AFF2: variants seen among roughly 807,000 people sequenced by gnomAD.
AFF2 encodes ALF transcription elongation factor 2.
A neutral mutation model predicts 76.9 loss-of-function variants in AFF2; 14 were observed. The observed-to-expected ratio is 0.18, with a 90% confidence interval of 0.12 to 0.28. The LOEUF (loss-of-function observed/expected upper bound fraction) is 0.28, where lower values mean the gene tolerates loss of function less well. Among genes scored for constraint, AFF2 ranks in the 10% least tolerant of loss-of-function variants. The pLI, the probability that AFF2 is intolerant of heterozygous loss-of-function variation, is 1.00. For missense variants in AFF2, 868 were observed against 1,001.1 expected (o/e 0.87, Z 1.79); for synonymous variants, 398 against 366.7 (o/e 1.09, Z -0.98).
At chrX:148,578,953 A>G (rs2053322124) in intron 1 of AFF2, among the ~76,000 whole-genome samples, 1 of 111,567 alleles carries the variant, frequency 9.0e-6, no homozygotes, top group South Asian at 3.7e-4. Flanking sequence ...AAAAGGTCTT[A>G]CTTTGAGGTG....
intron 7 of AFF2, among the ~76,000 whole-genome samples, chrX:148,852,216 A>C (rs1397606781): frequency 3.6e-5 from 4 of 110,712 alleles, no homozygotes; most frequent in Non-Finnish European, 7.6e-5. Flanking sequence ...TGGTACAATG[A>C]TTTATATTCC....
chrX:148,938,707 C>T (rs2071800694), intron 9 of AFF2, among the ~76,000 whole-genome samples: 1 of 112,190 alleles, frequency 8.9e-6, no homozygotes, highest in African/African-American at 3.2e-5. Flanking sequence ...TCTTGCCCTT[C>T]TGTAACAACA....
chrX:148,828,840 C>A (rs2070419257), intron 4 of AFF2, among the ~76,000 whole-genome samples: 2 of 112,312 alleles, frequency 1.8e-5, no homozygotes, highest in African/African-American at 6.5e-5. Flanking sequence ...TTGATTGCAT[C>A]TGGCAATGGC....
intron 7 of AFF2, among the ~76,000 whole-genome samples, chrX:148,873,143 G>A (rs1021122897): frequency 9.0e-6 from 1 of 111,630 alleles, no homozygotes; most frequent in Non-Finnish European, 1.9e-5. Context: ...TGCACAGAGA[G>A]ATTCCTTCTT....
Position 148,955,866 on chromosome X carries a change from A to G in AFF2, c.1821A>G (p.Thr607=). 5 of 1,211,764 alleles carry G rather than the reference A, an allele frequency of 4.1e-6. No individual in the cohort carries two copies. The highest frequency in any genetic ancestry group is 5.6e-6 in the Non-Finnish European group (5 of 895,559). Residue 607 remains threonine, a synonymous_variant, in exon 11 of 21, where the codon ACA becomes ACG. Coordinates refer to ENST00000370460, the MANE Select transcript of AFF2 (RefSeq NM_002025.4). ...RPRPTQKIPE[T]KALKHKLSTT... is the part of the protein sequence containing the mutation. ...GGCCCACTCAGAAAATTCCAGAAAC[A>G]AAGGCTTTGAAGCATAAGTTGTCAA...
At chrX:148,549,338 G>T (rs1019390385) in intron 1 of AFF2, among the ~76,000 whole-genome samples, 2 of 112,332 alleles carry the variant, frequency 1.8e-5, no homozygotes, top group Non-Finnish European at 3.8e-5. Flanking sequence ...GGAAATTTTC[G>T]GATATAGCTA....
At chrX:148,960,339 C>T (rs936359107) in intron 12 of AFF2, among the ~76,000 whole-genome samples, 3 of 112,660 alleles carry the variant, frequency 2.7e-5, no homozygotes, top group Admixed American at 9.3e-5. Context: ...CTGTTTACCT[C>T]AGCCTATGCC....
intron 3 of AFF2, among the ~76,000 whole-genome samples, chrX:148,714,515 G>A (rs1483546802): frequency 1.1e-4 from 12 of 111,516 alleles, no homozygotes; most frequent in African/African-American, 3.9e-4. Flanking sequence ...TGGCACAGTT[G>A]AGTTTGATAA....
intron 3 of AFF2, among the ~76,000 whole-genome samples, chrX:148,784,989 A>G (rs782453374): frequency 9.0e-6 from 1 of 111,629 alleles, no homozygotes; most frequent in East Asian, 2.9e-4. Flanking sequence ...AGCCGCATAT[A>G]CATTTGGGAA....
At chrX:148,876,878 A>G in intron 7 of AFF2, among the ~76,000 whole-genome samples, 1 of 111,627 alleles carries the variant, frequency 9.0e-6, no homozygotes, top group Non-Finnish European at 1.9e-5. Flanking sequence ...CTTTAAGGCC[A>G]TCTCCCACTC....
At position 148,860,890 on chromosome X, in the gene AFF2, T is replaced by C. The variant is rs1245277144; in HGVS notation, c.1262+17457T>C. On this transcript the variant is annotated intron_variant, in intron 7 of 20. Coordinates refer to ENST00000370460, the MANE Select transcript of AFF2 (RefSeq NM_002025.4). ...ACATTTTTTTAACTTTCCCATGGAC[T>C]TCAACTTTGAAGGTTTTACATAAGG... 4.5e-5 allele frequency among the ~76,000 whole-genome samples: 5 copies of C among 111,787 alleles called. No individual in the cohort carries two copies. The Admixed American group carries it at 4.8e-4, about 11-fold the overall frequency.
chrX:148,911,586 T>C (rs1160172696), intron 9 of AFF2, among the ~76,000 whole-genome samples: 13 of 111,798 alleles, frequency 1.2e-4, no homozygotes, highest in African/African-American at 3.9e-4. Context: ...AAAGAAGGAG[T>C]TCTGTTTAGC....
intron 3 of AFF2, among the ~76,000 whole-genome samples, chrX:148,681,563 TCA>T (rs1383570969): frequency 0.055 from 4,212 of 76,760 alleles, 294 homozygotes; most frequent in African/African-American, 0.19. Context: ...TGTGTGTGTG[TCA>T]GTGTGTGTGT....
chrX:148,540,287 C>G (rs951418812), intron 1 of AFF2, among the ~76,000 whole-genome samples: 3 of 111,110 alleles, frequency 2.7e-5, no homozygotes, highest in Non-Finnish European at 5.7e-5. Flanking sequence ...AAGCACAACA[C>G]CTTCTGCATT....
At chrX:148,541,678 A>G (rs1400108684) in intron 1 of AFF2, among the ~76,000 whole-genome samples, 2 of 111,236 alleles carry the variant, frequency 1.8e-5, no homozygotes, top group Admixed American at 9.6e-5. Flanking sequence ...AGTTCAGTGT[A>G]TCATATTATT....
At chrX:148,710,317 C>T (rs1245391546) in intron 3 of AFF2, among the ~76,000 whole-genome samples, 3 of 111,869 alleles carry the variant, frequency 2.7e-5, no homozygotes, top group Non-Finnish European at 3.8e-5. Flanking sequence ...TCTCTGCACC[C>T]TTCCTCTCTG....
At chrX:148,960,288 G>A (rs1442358642) in intron 12 of AFF2, among the ~76,000 whole-genome samples, 1 of 112,473 alleles carries the variant, frequency 8.9e-6, no homozygotes, top group Non-Finnish European at 1.9e-5. Context: ...TATAAGACAT[G>A]GGACTGTGCA....
intron 1 of AFF2, among the ~76,000 whole-genome samples, chrX:148,623,292 G>C (rs2053888739): frequency 9.0e-6 from 1 of 110,906 alleles, no homozygotes; most frequent in South Asian, 3.8e-4. Flanking sequence ...GTGTTATTTA[G>C]TATTGAAAGA....
At chrX:148,775,850 C>A (rs2069659732) in intron 3 of AFF2, among the ~76,000 whole-genome samples, 1 of 78,557 alleles carries the variant, frequency 1.3e-5, no homozygotes, top group African/African-American at 3.8e-5. Flanking sequence ...TGCATCCTCT[C>A]AAGATCCTTA....
Sources: gnomAD v4.1 joint callset for allele counts (sites outside exome capture counted in the v4.1 genomes callset) on GRCh38, gnomAD v4.1.1 for gene constraint, MANE v1.5 for transcripts, NCBI Gene and HGNC (gene_info 2026-07-23, HGNC 2026-07-21) for gene names.